Variants in ASRGL1 observed in about 807,000 individuals in gnomAD.
ASRGL1 encodes the protein asparaginase and isoaspartyl peptidase 1, also known as isoaspartyl peptidase/L-asparaginase.
In ASRGL1, 16 loss-of-function variants were observed where a neutral mutation model predicts 22.4. That is an observed-to-expected ratio of 0.71 (90% CI 0.48 to 1.08). The LOEUF (loss-of-function observed/expected upper bound fraction) is 1.08, where lower values mean the gene tolerates loss of function less well. ASRGL1 is among the 50% of genes least tolerant of loss of function. ASRGL1 has a pLI of 0.00. For missense variants in ASRGL1, 412 were observed against 410.1 expected (o/e 1.00, Z -0.04); for synonymous variants, 165 against 159.3 (o/e 1.04, Z -0.27).
intron 4 of ASRGL1, chr11:62,372,980 C>T: frequency 5.6e-6 from 8 of 1,431,666 alleles, no homozygotes; most frequent in Non-Finnish European, 7.9e-6. Flanking sequence ...CATCACCGAC[C>T]TTTGGGGAAC....
chr11:62,359,019 C>T (rs1205034289), intron 4 of ASRGL1, among the ~76,000 whole-genome samples: 1 of 152,132 alleles, frequency 6.6e-6, no homozygotes, highest in African/African-American at 2.4e-5. Flanking sequence ...AAGATTGTTA[C>T]AGAGAGGGTT....
intron 2 of ASRGL1, among the ~76,000 whole-genome samples, chr11:62,344,848 T>C (rs1342479438): frequency 6.6e-6 from 1 of 152,218 alleles, no homozygotes; most frequent in African/African-American, 2.4e-5. Context: ...ACCCATTACT[T>C]ATCCCCACTT....
intron 4 of ASRGL1, chr11:62,382,882 T>C (rs1366698175): frequency 6.6e-6 from 1 of 152,246 alleles, no homozygotes; most frequent in Non-Finnish European, 1.5e-5. Flanking sequence ...CAAGCACTTT[T>C]TTAACAAAGC....
intron 4 of ASRGL1, among the ~76,000 whole-genome samples, chr11:62,368,394 C>T (rs1946673010): frequency 6.6e-6 from 1 of 152,124 alleles, no homozygotes; most frequent in African/African-American, 2.4e-5. Flanking sequence ...TTTTGGTGAA[C>T]ACCTGTCCAC....
chr11:62,356,860 C>G (rs1946309366), intron 3 of ASRGL1, 127 bp from the exon 4 acceptor site: 2 of 1,210,034 alleles, frequency 1.7e-6, no homozygotes, highest in South Asian at 3.8e-5. Flanking sequence ...GAAAAGCAAA[C>G]CACTGGAATT....
chr11:62,338,809 G>C (rs999546061), intron 2 of ASRGL1, among the ~76,000 whole-genome samples: 1 of 151,540 alleles, frequency 6.6e-6, no homozygotes, highest in Non-Finnish European at 1.5e-5. Flanking sequence ...GCCAGGCGTG[G>C]TGCTAGGAGC....
At position 62,337,925 on chromosome 11, in the gene ASRGL1, T is replaced by G. The variant is rs555817624; in HGVS notation, c.-53T>G. The G allele has an allele frequency of 2.0e-5, 31 of 1,546,016 alleles. No homozygotes were observed. The African/African-American group carries it at 4.2e-4, about 21-fold the overall frequency. On this transcript the variant is annotated 5_prime_UTR_variant, in exon 2 of 7. Coordinates refer to ENST00000415229, the MANE Select transcript of ASRGL1 (RefSeq NM_001083926.2). ...GGACCTTGTACCCGCGCGGCTTCCT[T>G]GGGCTGGCTTTGGACGACGCTTTCG... is the stretch of plus-strand genomic sequence containing the variant.
In ASRGL1 at chr11:62,391,598, C is replaced by A. The variant is rs1403923543; in HGVS notation, c.687C>A (p.Asn229Lys). The change falls in exon 6 of 7, where the codon AAC (asparagine) becomes AAA (lysine). Residue 229 changes from asparagine (N) to lysine (K), a missense_variant. Asn to Lys is a moderately conservative substitution (Grantham distance 94). Coordinates refer to ENST00000415229, the MANE Select transcript of ASRGL1 (RefSeq NM_001083926.2). ...ATGGGGAAAGCATCCTGAAGGTGAA[C>A]CTGGCTAGACTCACCCTGTTCCACA... ...TGHGESILKVNLARLTLFHIE... is the reference protein window; with the variant it reads ...TGHGESILKVKLARLTLFHIE... The A allele has an allele frequency of 6.2e-7, 1 of 1,611,912 alleles. No individual in the cohort carries two copies. The highest frequency in any genetic ancestry group is 1.1e-5 in the South Asian group (1 of 90,538).
chr11:62,355,504 A>G (rs61004586), intron 2 of ASRGL1, among the ~76,000 whole-genome samples: 6,612 of 152,182 alleles, frequency 0.043, 493 homozygotes, highest in African/African-American at 0.15. Context: ...AATTACAGGC[A>G]TAAGCCGCTG....
intron 4 of ASRGL1, among the ~76,000 whole-genome samples, chr11:62,368,742 G>A (rs1036020242): frequency 6.6e-6 from 1 of 151,660 alleles, no homozygotes; most frequent in Admixed American, 6.6e-5. Context: ...AGGGTCAGCA[G>A]GAAAACGTGA....
intron 2 of ASRGL1, among the ~76,000 whole-genome samples, chr11:62,346,813 TACAA>T (rs376450941): frequency 2.6e-4 from 39 of 148,106 alleles, no homozygotes; most frequent in African/African-American, 9.5e-4. Context: ...CTACTAAAAC[TACAA>T]AAATTAGCCT....
intron 2 of ASRGL1, among the ~76,000 whole-genome samples, chr11:62,352,324 G>A (rs1448577626): frequency 6.6e-5 from 10 of 152,288 alleles, no homozygotes; most frequent in South Asian, 2.1e-4. Flanking sequence ...GGTGGCTCAC[G>A]CCTGTAATCC....
At chr11:62,396,252 G>GTGGAGGT (rs1947431570), downstream of ASRGL1, among the ~76,000 whole-genome samples, 1 of 151,784 alleles carries the variant, frequency 6.6e-6, no homozygotes, top group South Asian at 2.1e-4. Context: ...CTGGAACACA[G>GTGGAGGT]TGGAGGTTGG....
At chr11:62,387,059 A>ATT (rs55647741) in intron 4 of ASRGL1, among the ~76,000 whole-genome samples, 38,187 of 143,358 alleles carry the variant, frequency 0.27, 5,067 homozygotes, top group South Asian at 0.33. Context: ...CACTTAGCTA[A>ATT]TTTTTTTTTT....
At chr11:62,391,702 C>G in intron 6 of ASRGL1, 70 bp downstream of exon 6, 1 of 1,492,252 alleles carries the variant, frequency 6.7e-7, no homozygotes, top group Non-Finnish European at 9.0e-7. Context: ...GATAAGTAAG[C>G]GCATGGAGAA....
At chr11:62,385,313 G>T (rs2134692312) in intron 4 of ASRGL1, among the ~76,000 whole-genome samples, 1 of 151,346 alleles carries the variant, frequency 6.6e-6, no homozygotes, top group East Asian at 1.9e-4. Context: ...TTTCTTATCA[G>T]TCTCATTGTT....
At chr11:62,370,186 A>G (rs1047601544) in intron 4 of ASRGL1, among the ~76,000 whole-genome samples, 1 of 152,178 alleles carries the variant, frequency 6.6e-6, no homozygotes, top group African/African-American at 2.4e-5. Flanking sequence ...CAGTCGGTCC[A>G]TGGACACAGG....
At chr11:62,371,007 A>G (rs1946745040) in intron 4 of ASRGL1, 1 of 435,172 alleles carries the variant, frequency 2.3e-6, no homozygotes, top group African/African-American at 2.1e-5. Context: ...CGCATTTTTA[A>G]GTGTATCTGA....
chr11:62,338,401 C>G (rs1227453686), intron 2 of ASRGL1: 1 of 456,330 alleles, frequency 2.2e-6, no homozygotes, highest in Non-Finnish European at 3.8e-6. Context: ...TGATACAGCT[C>G]TTGGGAAATC....
Sources: gnomAD v4.1 joint callset for allele counts (sites outside exome capture counted in the v4.1 genomes callset) on GRCh38, gnomAD v4.1.1 for gene constraint, MANE v1.5 for transcripts, NCBI Gene and HGNC (gene_info 2026-07-23, HGNC 2026-07-21) for gene names.